ATP7A: variants seen among roughly 807,000 people sequenced by gnomAD.
The protein encoded by ATP7A is ATPase copper transporting alpha, also known as copper-transporting ATPase 1.
ATP7A carries 7 observed loss-of-function variants against 83.5 expected under a neutral mutation model. That is an observed-to-expected ratio of 0.08 (90% CI 0.05 to 0.16). ATP7A has a LOEUF of 0.16. Ranked by LOEUF, ATP7A falls within the 10% of genes least tolerant of loss-of-function variation. The pLI, the probability that ATP7A is intolerant of heterozygous loss-of-function variation, is 1.00. For synonymous variants in ATP7A, 354 were observed against 395.2 expected (o/e 0.90, Z 1.24); for missense variants, 940 against 1,120.8 (o/e 0.84, Z 2.30).
Position 78,011,151 on chromosome X carries a change from AT to A in ATP7A, c.1870-18del, listed in dbSNP as rs1483473162. The stretch of plus-strand genomic sequence containing the variant: ...CAATATTTATATGTTCAGTGAAATA[AT>A]TTTTTTCTCATGAATTTCCTTAGAG... On this transcript the variant is annotated intron_variant, in intron 7 of 22. Transcript: ENST00000341514. The A allele has an allele frequency of 6.8e-6, 8 of 1,175,808 alleles. No individual in the cohort carries two copies. The East Asian group carries it at 8.9e-5, about 13-fold the overall frequency.
intron 17 of ATP7A, among the ~76,000 whole-genome samples, chrX:78,037,858 G>C (rs1557237890): frequency 9.1e-6 from 1 of 109,464 alleles, no homozygotes; most frequent in African/African-American, 3.3e-5. Flanking sequence ...AAATGGGGTA[G>C]GTTCACAAGA....
At chrX:78,033,890 G>A in intron 17 of ATP7A, 69 bp downstream of exon 17, 1 of 1,034,870 alleles carries the variant, frequency 9.7e-7, no homozygotes, top group Admixed American at 2.2e-5. Flanking sequence ...TTATAACCCT[G>A]AACTGTTATA....
chrX:77,994,424 T>G (rs2077688579), intron 4 of ATP7A, among the ~76,000 whole-genome samples: 1 of 111,708 alleles, frequency 9.0e-6, no homozygotes, highest in African/African-American at 3.3e-5. Flanking sequence ...TAAAAGCAAC[T>G]TTTCAATTAC....
chrX:78,008,418 T>C (rs1381179802), intron 6 of ATP7A, among the ~76,000 whole-genome samples: 1 of 111,161 alleles, frequency 9.0e-6, no homozygotes, highest in African/African-American at 3.3e-5. Flanking sequence ...ATAACCCCAC[T>C]CAAGATATAG....
chrX:78,034,147 T>C (rs1557237493), intron 17 of ATP7A, among the ~76,000 whole-genome samples: 1 of 111,882 alleles, frequency 8.9e-6, no homozygotes, highest in Non-Finnish European at 1.9e-5. Flanking sequence ...TCTTATTTTT[T>C]ATATAGAAAA....
intron 17 of ATP7A, among the ~76,000 whole-genome samples, chrX:78,036,509 G>A (rs2078014343): frequency 9.0e-6 from 1 of 111,565 alleles, no homozygotes; most frequent in Non-Finnish European, 1.9e-5. Flanking sequence ...AGGTCAGAGA[G>A]GTGGTTTGGG....
At chrX:78,027,221 A>G (rs2077951479) in intron 14 of ATP7A, among the ~76,000 whole-genome samples, 1 of 111,430 alleles carries the variant, frequency 9.0e-6, no homozygotes, top group South Asian at 3.7e-4. Context: ...GATTTCTCCA[A>G]AAGACTCCCA....
At chrX:78,042,868 A>G (rs1027583840) in intron 20 of ATP7A, 80 bp downstream of exon 20, 1 of 1,041,962 alleles carries the variant, frequency 9.6e-7, no homozygotes. Flanking sequence ...TATATTGAGC[A>G]TAACAATTCT....
At chrX:78,015,074 C>T (rs1603386057) in intron 11 of ATP7A, among the ~76,000 whole-genome samples, 1 of 112,322 alleles carries the variant, frequency 8.9e-6, no homozygotes, top group Non-Finnish European at 1.9e-5. Context: ...ACCTAAGACC[C>T]AATTCATATT....
intron 1 of ATP7A, chrX:77,969,721 T>C (rs1216683502): frequency 3.3e-5 from 36 of 1,101,944 alleles, no homozygotes; most frequent in Non-Finnish European, 4.5e-5. Context: ...TTCCCACCCT[T>C]ATTCCCTAAC....
chrX:78,008,512 A>G (rs1557233985), intron 6 of ATP7A, among the ~76,000 whole-genome samples: 2 of 111,283 alleles, frequency 1.8e-5, no homozygotes, highest in Non-Finnish European at 3.8e-5. Flanking sequence ...GTGATTATAT[A>G]CTTCAGCAGG....
At chrX:77,953,286 A>G (rs2077423664) in intron 1 of ATP7A, among the ~76,000 whole-genome samples, 1 of 111,900 alleles carries the variant, frequency 8.9e-6, no homozygotes, top group African/African-American at 3.2e-5. Context: ...TGATTTAAAA[A>G]TAAATTTTCT....
chrX:78,002,369 G>A (rs868912469), intron 5 of ATP7A, among the ~76,000 whole-genome samples: 69 of 108,774 alleles, frequency 6.3e-4, no homozygotes, highest in African/African-American at 2.1e-3. Context: ...GGCATGAGCC[G>A]TCATGCCCAG....
intron 15 of ATP7A, among the ~76,000 whole-genome samples, chrX:78,030,816 C>T (rs782140547): frequency 3.7e-5 from 4 of 107,269 alleles, no homozygotes; most frequent in Non-Finnish European, 7.7e-5. Context: ...CTCAGCCTCC[C>T]GAGTAGCTGG....
intron 2 of ATP7A, among the ~76,000 whole-genome samples, chrX:77,987,678 T>C (rs2077646355): frequency 9.0e-6 from 1 of 111,384 alleles, no homozygotes; most frequent in Admixed American, 9.7e-5. Context: ...TATAGGAGTA[T>C]ATGCTATAAA....
At chrX:77,932,604 G>A (rs1376627446) in intron 1 of ATP7A, among the ~76,000 whole-genome samples, 1 of 112,604 alleles carries the variant, frequency 8.9e-6, no homozygotes, top group African/African-American at 3.2e-5. Flanking sequence ...CTGCACTCCA[G>A]CCTGGGCACC....
At chrX:77,952,476 T>C in intron 1 of ATP7A, among the ~76,000 whole-genome samples, 1 of 112,071 alleles carries the variant, frequency 8.9e-6, no homozygotes, top group Admixed American at 9.5e-5. Flanking sequence ...CATCTTTTCA[T>C]ATGCTTATAT....
At chrX:77,938,865 C>A (rs1335804731) in intron 1 of ATP7A, among the ~76,000 whole-genome samples, 1 of 111,896 alleles carries the variant, frequency 8.9e-6, no homozygotes. Flanking sequence ...AACAAAAAAA[C>A]CTCATTTTAA....
intron 14 of ATP7A, among the ~76,000 whole-genome samples, chrX:78,024,709 T>C (rs913622870): frequency 4.5e-5 from 5 of 111,348 alleles, no homozygotes; most frequent in Non-Finnish European, 9.4e-5. Flanking sequence ...ATTTTAGTGG[T>C]AGCTATCAGA....
Sources: gnomAD v4.1 joint callset for allele counts (sites outside exome capture counted in the v4.1 genomes callset) on GRCh38, gnomAD v4.1.1 for gene constraint, MANE v1.5 for transcripts, NCBI Gene and HGNC (gene_info 2026-07-23, HGNC 2026-07-21) for gene names.